The following SYNE1 variants were observed in gnomAD, a reference collection of about 807,000 sequenced individuals.
SYNE1 encodes spectrin repeat containing nuclear envelope protein 1.
Under a neutral mutation model 1,111.0 loss-of-function variants are expected in SYNE1, and 616 were observed. The observed-to-expected ratio is 0.55, with a 90% CI of 0.52 to 0.59. The LOEUF (loss-of-function observed/expected upper bound fraction) is 0.59, where lower values mean the gene tolerates loss of function less well. Among genes scored for constraint, SYNE1 ranks in the 20% least tolerant of loss-of-function variants. SYNE1 has a pLI of 0.00. For missense variants in SYNE1, 10,006 were observed against 10,417.0 expected (o/e 0.96, Z 1.72); for synonymous variants, 3,855 against 3,825.8 (o/e 1.01, Z -0.28).
chr6:152,302,696 C>T (rs566272720), intron 91 of SYNE1, among the ~76,000 whole-genome samples: 1 of 152,290 alleles, frequency 6.6e-6, no homozygotes, highest in Middle Eastern at 3.4e-3. Flanking sequence ...TTTTTTCTTG[C>T]TCACTTCATC....
At chr6:152,254,595 T>C (rs764705511) in intron 104 of SYNE1, among the ~76,000 whole-genome samples, 6 of 152,182 alleles carry the variant, frequency 3.9e-5, no homozygotes, top group Non-Finnish European at 8.8e-5. Context: ...CCGGTATTAG[T>C]AACTAAAAAT....
chr6:152,333,953 T>C, intron 77 of SYNE1, 55 bp downstream of exon 77: 2 of 1,611,426 alleles, frequency 1.2e-6, no homozygotes, highest in East Asian at 4.5e-5. Context: ...TTTTTATAGA[T>C]ATTAAGAAAT....
intron 59 of SYNE1, among the ~76,000 whole-genome samples, chr6:152,371,825 AAGGAC>A (rs1179484706): frequency 0.023 from 2,230 of 95,264 alleles, 113 homozygotes; most frequent in African/African-American, 0.043. Context: ...AAGGACAGGA[AAGGAC>A]AGGACAGGAC....
At chr6:152,235,836 G>A (rs1050297025) in intron 110 of SYNE1, among the ~76,000 whole-genome samples, 7 of 152,036 alleles carry the variant, frequency 4.6e-5, no homozygotes, top group African/African-American at 1.7e-4. Context: ...CAACCTCCCA[G>A]GCTGAAGCAA....
At position 152,315,257 on chromosome 6, in the gene SYNE1, A is replaced by G. The variant is rs1404317583; in HGVS notation, c.16710+1592T>C. ...CTCACTGTCACCCAGGCTGGAGTGC[A>G]GTGGCATGATCTTGGCTCACTGCAA... On this transcript the variant is annotated intron_variant, in intron 87 of 145. Coordinates refer to ENST00000367255, the MANE Select transcript of SYNE1 (RefSeq NM_182961.4). 11 of 133,714 alleles carry G rather than the reference A, an allele frequency of 8.2e-5. No individual in the cohort carries two copies. The Admixed American group carries it at 9.3e-4, about 11-fold the overall frequency. 8.3% of individuals were successfully genotyped at this position (133,714 alleles called of 1,614,324 possible).
intron 42 of SYNE1, among the ~76,000 whole-genome samples, chr6:152,410,585 A>G (rs2098014209): frequency 6.6e-6 from 1 of 152,136 alleles, no homozygotes; most frequent in Admixed American, 6.6e-5. Context: ...AAATGCAAAA[A>G]TCAGCCTGGC....
At chr6:152,205,994 C>G (rs1204549197) in intron 126 of SYNE1, among the ~76,000 whole-genome samples, 174 bp downstream of exon 126, 5 of 152,156 alleles carry the variant, frequency 3.3e-5, no homozygotes, top group Non-Finnish European at 5.9e-5. Context: ...AATTGGGAAA[C>G]TTTTCCAGTT....
chr6:152,130,897 G>T (rs2055408117), intron 144 of SYNE1, 119 bp from the exon 145 acceptor site: 1 of 1,001,300 alleles, frequency 1.0e-6, no homozygotes, highest in South Asian at 1.5e-5. Flanking sequence ...CAAATGAAAT[G>T]ATCAGTACCC....
chr6:152,343,934 A>G lies in SYNE1; in HGVS notation c.12225+147T>C. ...TGTCCATCTTCTGGCTGGCACATGA[A>G]CTCCACTAGAGCCAACCTCAGACCT... On this transcript the variant is annotated intron_variant, in intron 74 of 145. Transcript: ENST00000367255. The G allele has an allele frequency of 2.7e-6, 3 of 1,119,416 alleles. No individual in the cohort carries two copies. The East Asian group carries it at 7.7e-5, about 29-fold the overall frequency. 69.3% of individuals were successfully genotyped at this position (1,119,416 alleles called of 1,614,324 possible).
intron 137 of SYNE1, chr6:152,145,635 G>A: frequency 5.2e-6 from 7 of 1,347,190 alleles, no homozygotes; most frequent in African/African-American, 1.4e-5. Context: ...AACTTTCCTA[G>A]GGGAAAAAAA....
chr6:152,605,025 A>G (rs1258496487), intron 3 of SYNE1, among the ~76,000 whole-genome samples: 119 of 67,446 alleles, frequency 1.8e-3, no homozygotes, highest in African/African-American at 6.7e-3. Flanking sequence ...AGAGAGAGAG[A>G]GAGAGAGAGA....
chr6:152,607,665 C>T (rs1049551371), intron 3 of SYNE1, among the ~76,000 whole-genome samples: 1 of 152,086 alleles, frequency 6.6e-6, no homozygotes, highest in African/African-American at 2.4e-5. Context: ...CCATTTGACC[C>T]AACAATCCCA....
intron 60 of SYNE1, 129 bp from the exon 61 acceptor site, chr6:152,369,256 C>T: frequency 7.3e-7 from 1 of 1,361,472 alleles, no homozygotes; most frequent in South Asian, 1.2e-5. Context: ...TTATTATCTC[C>T]AATCTACACA....
At chr6:152,572,732 G>A (rs2099469866) in intron 3 of SYNE1, among the ~76,000 whole-genome samples, 1 of 152,164 alleles carries the variant, frequency 6.6e-6, no homozygotes, top group Non-Finnish European at 1.5e-5. Context: ...AGAGAGCGGA[G>A]GTAAGGGGAA....
At chr6:152,161,185 A>T (rs1319195449) in intron 131 of SYNE1, among the ~76,000 whole-genome samples, 5 of 148,108 alleles carry the variant, frequency 3.4e-5, no homozygotes, top group African/African-American at 1.2e-4. Context: ...ACAAAAATAT[A>T]AATATATATT....
At chr6:152,433,740 A>G in intron 34 of SYNE1, 55 bp downstream of exon 34, 1 of 1,601,890 alleles carries the variant, frequency 6.2e-7, no homozygotes, top group South Asian at 1.1e-5. Flanking sequence ...AAATGTAAGA[A>G]AGTAGTTCTT....
chr6:152,516,418 C>G (rs1346228245), intron 6 of SYNE1, among the ~76,000 whole-genome samples: 1 of 152,086 alleles, frequency 6.6e-6, no homozygotes, highest in East Asian at 1.9e-4. Flanking sequence ...ATAAACAATG[C>G]CTTTCATAGG....
At chr6:152,151,332 A>C (rs1285968317) in intron 135 of SYNE1, among the ~76,000 whole-genome samples, 1 of 152,150 alleles carries the variant, frequency 6.6e-6, no homozygotes, top group African/African-American at 2.4e-5. Context: ...TATCGATATC[A>C]AATAAGATAA....
Position 152,396,852 on chromosome 6 carries a change from AT to A in SYNE1, c.7478del (p.Asn2493MetfsTer8). The A allele has an allele frequency of 6.2e-7, 1 of 1,614,132 alleles. No homozygotes were observed. Among genetic ancestry groups the A allele is most frequent in the Non-Finnish European group, 8.5e-7 (1 of 1,180,012 alleles). ...SSIQEQITKA[N>X]EEFQAFLKQC... ...GTTTCAGAAATGCTTGAAACTCTTC[AT>A]TGGCCTTTGTGATTTGTTCTTGAAT... On this transcript the variant is annotated frameshift_variant, in exon 50 of 146. Transcript: ENST00000367255. LOFTEE classifies it high-confidence loss of function.
Sources: allele counts gnomAD v4.1 joint callset (sites outside exome capture counted in the v4.1 genomes callset), GRCh38; gene constraint gnomAD v4.1.1; transcripts MANE v1.5; gene names NCBI Gene and HGNC (gene_info 2026-07-23, HGNC 2026-07-21).